The following MMP26 variants were observed in gnomAD, a reference collection of about 807,000 sequenced individuals.
MMP26 encodes matrix metalloproteinase-26.
In MMP26, 33 loss-of-function variants were observed where a neutral mutation model predicts 31.0. The ratio of observed to expected loss-of-function variants is 1.06; its 90% confidence interval spans 0.81 to 1.42. The LOEUF is 1.42. Among genes scored for constraint, MMP26 ranks in the 40% most tolerant of loss-of-function variants. MMP26 has a pLI of 0.00. For missense variants in MMP26, 347 were observed against 316.1 expected (o/e 1.10, Z -0.74); for synonymous variants, 122 against 114.9 (o/e 1.06, Z -0.40).
At position 4,727,109 on chromosome 11, in the gene MMP26, T is replaced by C. The variant is rs550168887; in HGVS notation, c.-217+22064T>C. Among the ~76,000 whole-genome samples the C allele has an allele frequency of 3.3e-5, 5 of 152,208 alleles. No individual in the cohort carries two copies. The South Asian group carries it at 1.0e-3, about 32-fold the overall frequency. ...AAAAAACTTACATTGCTTGTCAACA[T>C]TTTTATCCAAGGGTAAGAAAAAAAT... On this transcript the variant is annotated intron_variant, in intron 1 of 7. Transcript: ENST00000380390.
chr11:4,900,913 G>A (rs189395410), intron 2 of MMP26, among the ~76,000 whole-genome samples: 170 of 152,182 alleles, frequency 1.1e-3, no homozygotes, highest in Non-Finnish European at 2.0e-3. Flanking sequence ...TTGTCCGTGG[G>A]ATGTATTTCT....
At chr11:4,902,445 C>T (rs1045796919) in intron 2 of MMP26, among the ~76,000 whole-genome samples, 1 of 152,082 alleles carries the variant, frequency 6.6e-6, no homozygotes, top group African/African-American at 2.4e-5. Flanking sequence ...CCAGAGGACA[C>T]GATTTTGTTC....
intron 1 of MMP26, among the ~76,000 whole-genome samples, chr11:4,754,788 G>A (rs1225286060): frequency 6.6e-6 from 1 of 152,026 alleles, no homozygotes; most frequent in South Asian, 2.1e-4. Context: ...CTACTTTAAA[G>A]CTTTTATCCT....
At chr11:4,879,356 G>A (rs1171046390) in intron 2 of MMP26, among the ~76,000 whole-genome samples, 1 of 152,182 alleles carries the variant, frequency 6.6e-6, no homozygotes, top group Non-Finnish European at 1.5e-5. Context: ...TGGGCACACA[G>A]TTGGGAATCA....
intron 1 of MMP26, chr11:4,709,662 C>G: frequency 2.2e-6 from 1 of 457,718 alleles, no homozygotes; most frequent in Non-Finnish European, 4.4e-6. Flanking sequence ...GACCTCCATC[C>G]CATTCTGTTG....
chr11:4,974,640 T>C (rs920416755), intron 2 of MMP26, among the ~76,000 whole-genome samples: 2 of 152,130 alleles, frequency 1.3e-5, no homozygotes, highest in African/African-American at 4.8e-5. Context: ...TTCTTTCTCT[T>C]TTTGTCTGTT....
At chr11:4,717,521 A>C (rs767185955) in intron 1 of MMP26, among the ~76,000 whole-genome samples, 7 of 151,564 alleles carry the variant, frequency 4.6e-5, no homozygotes, top group Non-Finnish European at 8.8e-5. Flanking sequence ...GAATATTTCC[A>C]TGTTGTTTTT....
intron 1 of MMP26, among the ~76,000 whole-genome samples, chr11:4,762,220 T>C (rs964711962): frequency 6.6e-6 from 1 of 152,164 alleles, no homozygotes; most frequent in Admixed American, 6.5e-5. Flanking sequence ...ATCCATTTCA[T>C]AGTATAGAAA....
intron 2 of MMP26, among the ~76,000 whole-genome samples, chr11:4,810,593 G>A (rs566502746): frequency 7.2e-5 from 11 of 152,258 alleles, no homozygotes; most frequent in African/African-American, 2.4e-4. Context: ...AGGAGTGTGG[G>A]GTTAATGAGG....
chr11:4,886,717 C>A (rs907828971), intron 2 of MMP26, among the ~76,000 whole-genome samples: 1 of 84,470 alleles, frequency 1.2e-5, no homozygotes, highest in Admixed American at 1.0e-4. Context: ...GGATTAAGGT[C>A]AAAAGACTTT....
intron 2 of MMP26, among the ~76,000 whole-genome samples, chr11:4,825,594 G>C (rs1315936653): frequency 6.6e-6 from 1 of 152,076 alleles, no homozygotes; most frequent in Admixed American, 6.6e-5. Flanking sequence ...GATGTTTTAG[G>C]TAAAAATGGA....
At chr11:4,963,494 G>C (rs1395954960) in intron 2 of MMP26, among the ~76,000 whole-genome samples, 1 of 152,118 alleles carries the variant, frequency 6.6e-6, no homozygotes, top group African/African-American at 2.4e-5. Flanking sequence ...ATACTACAAG[G>C]CTACAGTAAC....
intron 2 of MMP26, among the ~76,000 whole-genome samples, chr11:4,845,295 A>G (rs899615794): frequency 6.6e-6 from 1 of 152,148 alleles, no homozygotes; most frequent in Non-Finnish European, 1.5e-5. Flanking sequence ...AAGTTCATGG[A>G]CTGAAAGAAT....
chr11:4,964,860 T>C (rs2133624763), intron 2 of MMP26, among the ~76,000 whole-genome samples: 1 of 152,258 alleles, frequency 6.6e-6, no homozygotes, highest in African/African-American at 2.4e-5. Flanking sequence ...AAGTGGAGGC[T>C]GAATTATGGG....
chr11:4,725,500 G>T (rs1333587373), intron 1 of MMP26, among the ~76,000 whole-genome samples: 1 of 152,224 alleles, frequency 6.6e-6, no homozygotes, highest in Non-Finnish European at 1.5e-5. Flanking sequence ...TCAGAGCCTT[G>T]TTTGTTGAGA....
chr11:4,904,330 A>C (rs1192628857), intron 2 of MMP26, among the ~76,000 whole-genome samples: 1 of 152,104 alleles, frequency 6.6e-6, no homozygotes, highest in Non-Finnish European at 1.5e-5. Context: ...CGTTAGCTTG[A>C]GAACTGATTT....
chr11:4,968,065 T>C (rs1220327291), intron 2 of MMP26, among the ~76,000 whole-genome samples: 1 of 152,162 alleles, frequency 6.6e-6, no homozygotes, highest in Non-Finnish European at 1.5e-5. Context: ...AGCAGTTTCA[T>C]GAATCCATTC....
At position 4,731,400 on chromosome 11, in the gene MMP26, A is replaced by G. The variant is rs1010687856; in HGVS notation, c.-217+26355A>G. 3.2e-4 allele frequency among the ~76,000 whole-genome samples: 49 copies of G among 152,194 alleles called. 1 individual carries two copies. Reference sequence around the variant, plus strand: ...CACAATCATTTCTTTCTTTTCTCCCATTAAATGTATAGCTCATTTGTGTAA... The same window carrying G: ...CACAATCATTTCTTTCTTTTCTCCCGTTAAATGTATAGCTCATTTGTGTAA... On this transcript the variant is annotated intron_variant, in intron 1 of 7. Transcript: ENST00000380390.
At chr11:4,708,271 A>G (rs1267988308) in intron 1 of MMP26, among the ~76,000 whole-genome samples, 1 of 152,174 alleles carries the variant, frequency 6.6e-6, no homozygotes, top group African/African-American at 2.4e-5. Flanking sequence ...TCCAGCCACT[A>G]TCTTTCTTTG....
Sources: gnomAD v4.1 joint callset for allele counts (sites outside exome capture counted in the v4.1 genomes callset) on GRCh38, gnomAD v4.1.1 for gene constraint, MANE v1.5 for transcripts, NCBI Gene and HGNC (gene_info 2026-07-23, HGNC 2026-07-21) for gene names.